The following WWOX variants were observed in gnomAD, a reference collection of about 807,000 sequenced individuals.
The protein encoded by WWOX is WW domain containing oxidoreductase.
WWOX carries 69 observed loss-of-function variants against 46.2 expected under a neutral mutation model. The observed-to-expected ratio is 1.49, with a 90% confidence interval of 1.23 to 1.82. The LOEUF (loss-of-function observed/expected upper bound fraction) is 1.82, where lower values mean the gene tolerates loss of function less well. Among genes scored for constraint, WWOX ranks in the 40% most tolerant of loss-of-function variants. The probability of loss-of-function intolerance (pLI) is 0.00; values close to 1 mark genes in which losing one functional copy is unlikely to be tolerated. For synonymous variants in WWOX, 359 were observed against 202.6 expected (o/e 1.77, Z -6.56); for missense variants, 919 against 542.6 (o/e 1.69, Z -6.89).
intron 8 of WWOX, among the ~76,000 whole-genome samples, chr16:78,501,916 A>T (rs62036409): frequency 0.044 from 6,640 of 152,194 alleles, 201 homozygotes; most frequent in Non-Finnish European, 0.065. Flanking sequence ...GGTGAAAACC[A>T]CTGTGGTCCC....
chr16:79,075,771 G>A (rs1245676029), intron 8 of WWOX, among the ~76,000 whole-genome samples: 1 of 151,966 alleles, frequency 6.6e-6, no homozygotes, highest in African/African-American at 2.4e-5. Flanking sequence ...TTTCAAGTAA[G>A]GTAATGGAAG....
chr16:78,327,419 C>A (rs72792363), intron 5 of WWOX, among the ~76,000 whole-genome samples: 11,061 of 152,130 alleles, frequency 0.073, 512 homozygotes, highest in Non-Finnish European at 0.1. Context: ...ACTCTCCAAG[C>A]CCCAGTACCC....
intron 8 of WWOX, among the ~76,000 whole-genome samples, chr16:78,674,058 G>A (rs1490794515): frequency 1.3e-5 from 2 of 152,062 alleles, no homozygotes; most frequent in African/African-American, 4.8e-5. Flanking sequence ...GATGGGAACC[G>A]ACTCAAAGAG....
At chr16:79,206,010 C>T (rs192831558) in intron 8 of WWOX, 30 of 152,260 alleles carry the variant, frequency 2.0e-4, no homozygotes, top group African/African-American at 6.5e-4. Flanking sequence ...CATTTTGAAT[C>T]GGACGACCTT....
intron 8 of WWOX, among the ~76,000 whole-genome samples, chr16:78,870,412 T>A (rs2044101015): frequency 1.3e-5 from 2 of 152,028 alleles, no homozygotes; most frequent in South Asian, 4.1e-4. Flanking sequence ...AAGACTAAGG[T>A]CCAAGCTTGA....
chr16:79,166,752 T>C (rs993376138), intron 8 of WWOX, among the ~76,000 whole-genome samples: 19 of 152,200 alleles, frequency 1.2e-4, no homozygotes, highest in Non-Finnish European at 2.1e-4. Context: ...TTCATTACAA[T>C]GAAGCTCTTT....
chr16:78,349,952 A>G lies in WWOX; in HGVS notation c.517-36908A>G, dbSNP rs1277475594. On this transcript the variant is annotated intron_variant, in intron 5 of 8. Coordinates refer to ENST00000566780, the MANE Select transcript of WWOX (RefSeq NM_016373.4). ...GGAAGTGTTCTCTCTTCTATGAATT[A>G]CCTAATGCCCATACCATACATATGC... 4.1e-5 allele frequency among the ~76,000 whole-genome samples: 5 copies of G among 121,114 alleles called. 2 individuals carry two copies. Among genetic ancestry groups the G allele is most frequent in the African/African-American group, 1.4e-4 (5 of 35,724 alleles). 79.5% of individuals were successfully genotyped at this position (121,114 alleles called of 152,430 possible).
At chr16:78,193,036 C>T (rs2035932105) in intron 5 of WWOX, among the ~76,000 whole-genome samples, 1 of 152,226 alleles carries the variant, frequency 6.6e-6, no homozygotes, top group Non-Finnish European at 1.5e-5. Flanking sequence ...CTTTCCTGGG[C>T]TCAGCTTCTC....
intron 6 of WWOX, among the ~76,000 whole-genome samples, chr16:78,422,868 CACACACACACACACACAT>C (rs1671700453): frequency 7.0e-6 from 1 of 143,170 alleles, no homozygotes; most frequent in Non-Finnish European, 1.5e-5. Context: ...CACACACACA[CACACACACACACACACAT>C]ATATTTTTTT....
chr16:78,538,359 A>T (rs2043810057), intron 8 of WWOX, among the ~76,000 whole-genome samples: 1 of 151,810 alleles, frequency 6.6e-6, no homozygotes, highest in Non-Finnish European at 1.5e-5. Context: ...CTATACATTG[A>T]CGTTTGTTTA....
chr16:79,040,111 T>A (rs1283921212), intron 8 of WWOX, among the ~76,000 whole-genome samples: 1 of 152,114 alleles, frequency 6.6e-6, no homozygotes, highest in Admixed American at 6.5e-5. Flanking sequence ...TAGGTTGCTG[T>A]GAAGATTGGC....
chr16:78,679,589 G>A (rs2047682570), intron 8 of WWOX, among the ~76,000 whole-genome samples: 1 of 152,058 alleles, frequency 6.6e-6, no homozygotes, highest in African/African-American at 2.4e-5. Flanking sequence ...ATATAATACA[G>A]ACACAGGCTT....
chr16:78,491,725 A>G (rs2084789655), intron 8 of WWOX, among the ~76,000 whole-genome samples: 1 of 152,130 alleles, frequency 6.6e-6, no homozygotes, highest in Non-Finnish European at 1.5e-5. Context: ...CTGACTGAAA[A>G]CTGGAGTTTA....
chr16:78,897,665 C>G (rs572333455), intron 8 of WWOX: 1 of 152,118 alleles, frequency 6.6e-6, no homozygotes, highest in African/African-American at 2.4e-5. Flanking sequence ...TTTTTATGCC[C>G]TTATGTTTTT....
At chr16:78,143,174 T>A (rs1030895531) in intron 4 of WWOX, among the ~76,000 whole-genome samples, 1 of 152,192 alleles carries the variant, frequency 6.6e-6, no homozygotes, top group African/African-American at 2.4e-5. Flanking sequence ...CTTAGAAAAT[T>A]TGTTTTATAT....
chr16:78,894,339 C>G (rs1261461727), intron 8 of WWOX, among the ~76,000 whole-genome samples: 1 of 152,182 alleles, frequency 6.6e-6, no homozygotes, highest in Admixed American at 6.5e-5. Context: ...TTCTTTGCTT[C>G]TCTCCAGCAC....
intron 5 of WWOX, among the ~76,000 whole-genome samples, chr16:78,214,057 C>T (rs894120396): frequency 6.6e-6 from 1 of 152,146 alleles, no homozygotes; most frequent in Non-Finnish European, 1.5e-5. Context: ...GCACCTGGCC[C>T]ATCAGACTTA....
chr16:79,003,876 A>C (rs1339863202), intron 8 of WWOX, among the ~76,000 whole-genome samples: 1 of 152,192 alleles, frequency 6.6e-6, no homozygotes, highest in Non-Finnish European at 1.5e-5. Flanking sequence ...GGGAAGGGAC[A>C]CAGACTCCAC....
chr16:78,967,344 C>T (rs1306516093), intron 8 of WWOX, among the ~76,000 whole-genome samples: 3 of 119,316 alleles, frequency 2.5e-5, no homozygotes, highest in South Asian at 3.0e-4. Flanking sequence ...GGCTGGAGTG[C>T]AGTGGCATGA....
Sources: gnomAD v4.1 joint callset for allele counts (sites outside exome capture counted in the v4.1 genomes callset) on GRCh38, gnomAD v4.1.1 for gene constraint, MANE v1.5 for transcripts, NCBI Gene and HGNC (gene_info 2026-07-23, HGNC 2026-07-21) for gene names.